Variants in AK5 observed in about 807,000 individuals in gnomAD.
The protein encoded by AK5 is adenylate kinase isoenzyme 5.
Under a neutral mutation model 69.5 loss-of-function variants are expected in AK5, and 27 were observed. That is an observed-to-expected ratio of 0.39 (90% CI 0.29 to 0.54). The LOEUF (loss-of-function observed/expected upper bound fraction) is 0.54, where lower values mean the gene tolerates loss of function less well. AK5 is among the 20% of genes least tolerant of loss of function. AK5 has a pLI of 0.71. For synonymous variants in AK5, 260 were observed against 244.4 expected (o/e 1.06, Z -0.60); for missense variants, 531 against 700.4 (o/e 0.76, Z 2.73).
chr1:77,371,734 G>A lies in AK5; in HGVS notation c.891+31166G>A, dbSNP rs185377287. On this transcript the variant is annotated intron_variant, in intron 6 of 13. Coordinates refer to ENST00000354567, the MANE Select transcript of AK5 (RefSeq NM_174858.3). ...AAGGACTTAAAAAGATAAGGAGCTTGGCATTTAATAAATGGAAGTCTCTAT... is the reference window on the plus strand; with the variant it reads ...AAGGACTTAAAAAGATAAGGAGCTTAGCATTTAATAAATGGAAGTCTCTAT... 6.6e-5 allele frequency among the ~76,000 whole-genome samples: 10 copies of A among 152,180 alleles called. No homozygotes were observed. The East Asian group carries it at 1.9e-3, about 29-fold the overall frequency.
chr1:77,491,175 A>C (rs1192616153), intron 10 of AK5, among the ~76,000 whole-genome samples: 2 of 152,008 alleles, frequency 1.3e-5, no homozygotes, highest in Non-Finnish European at 2.9e-5. Flanking sequence ...AGTCCTATCT[A>C]TTTTCCTAAG....
intron 6 of AK5, among the ~76,000 whole-genome samples, chr1:77,356,680 A>G (rs1366865971): frequency 6.6e-6 from 1 of 152,158 alleles, no homozygotes; most frequent in Admixed American, 6.5e-5. Context: ...CACTAACAAG[A>G]CACAGATATT....
At chr1:77,369,596 A>G (rs998985477) in intron 6 of AK5, among the ~76,000 whole-genome samples, 3 of 152,182 alleles carry the variant, frequency 2.0e-5, no homozygotes, top group Admixed American at 6.5e-5. Context: ...CATGAGAGTT[A>G]TATTAATTAT....
chr1:77,397,591 G>C (rs958932394), intron 6 of AK5, among the ~76,000 whole-genome samples: 2 of 152,130 alleles, frequency 1.3e-5, no homozygotes, highest in African/African-American at 4.8e-5. Flanking sequence ...TTAAATGTGT[G>C]TATTAACTAA....
At chr1:77,519,278 G>A (rs541527459) in intron 11 of AK5, among the ~76,000 whole-genome samples, 4 of 152,206 alleles carry the variant, frequency 2.6e-5, no homozygotes, top group South Asian at 2.1e-4. Context: ...TCTGTAATGA[G>A]GGCCGTATGA....
intron 10 of AK5, among the ~76,000 whole-genome samples, chr1:77,493,595 T>C (rs1272971200): frequency 2.0e-5 from 3 of 152,102 alleles, no homozygotes; most frequent in Admixed American, 6.5e-5. Flanking sequence ...CATCTGACTC[T>C]CCAGCCTTTG....
At chr1:77,517,828 G>A in intron 10 of AK5, among the ~76,000 whole-genome samples, 1 of 152,170 alleles carries the variant, frequency 6.6e-6, no homozygotes, top group Non-Finnish European at 1.5e-5. Flanking sequence ...GGCAACTAAA[G>A]GCAATGTATG....
At chr1:77,493,854 G>C (rs1354218787) in intron 10 of AK5, among the ~76,000 whole-genome samples, 1 of 152,172 alleles carries the variant, frequency 6.6e-6, no homozygotes, top group Non-Finnish European at 1.5e-5. Context: ...GGAGAAATGT[G>C]GGCATTTTGT....
intron 12 of AK5, among the ~76,000 whole-genome samples, chr1:77,523,651 A>G (rs1276228635): frequency 6.6e-6 from 1 of 152,100 alleles, no homozygotes; most frequent in Non-Finnish European, 1.5e-5. Flanking sequence ...TGCTAAACTG[A>G]AACTCTACCT....
At chr1:77,424,124 C>T (rs909671964) in intron 8 of AK5, among the ~76,000 whole-genome samples, 4 of 152,164 alleles carry the variant, frequency 2.6e-5, no homozygotes, top group African/African-American at 9.7e-5. Context: ...TACTGTGGTT[C>T]CTTTTATTCA....
intron 10 of AK5, among the ~76,000 whole-genome samples, chr1:77,515,525 C>G (rs1267640038): frequency 4.6e-5 from 7 of 152,176 alleles, no homozygotes; most frequent in African/African-American, 1.7e-4. Flanking sequence ...ATTTATGGTG[C>G]ACTTACGATG....
chr1:77,354,330 T>TG (rs557725527), intron 6 of AK5, among the ~76,000 whole-genome samples: 2 of 152,094 alleles, frequency 1.3e-5, no homozygotes, highest in Non-Finnish European at 2.9e-5. Flanking sequence ...TTCTAGCTAA[T>TG]GGGGGGGTAC....
rs1026745384 is a variant in AK5, at chr1:77,487,317, C to T, written c.1147+965C>T. On this transcript the variant is annotated intron_variant, in intron 10 of 13. Transcript: ENST00000354567. ...TATGAAGCTAATGAGTGTGTGAGGG[C>T]CAGATTTCCAGTTTTCCTCATGGAA... Among the ~76,000 whole-genome samples the T allele has an allele frequency of 2.6e-5, 4 of 152,006 alleles. No individual in the cohort carries two copies. The South Asian group carries it at 8.3e-4, about 32-fold the overall frequency.
chr1:77,291,123 G>A (rs1261606298), intron 2 of AK5, among the ~76,000 whole-genome samples: 1 of 152,156 alleles, frequency 6.6e-6, no homozygotes, highest in African/African-American at 2.4e-5. Flanking sequence ...AGACAAAGAG[G>A]CTGTAATTTG....
chr1:77,432,944 C>G (rs1032589411), intron 8 of AK5, among the ~76,000 whole-genome samples: 9 of 152,112 alleles, frequency 5.9e-5, no homozygotes, highest in Non-Finnish European at 1.3e-4. Context: ...TAGCATGAAG[C>G]CATCAACTTC....
At chr1:77,469,064 G>A (rs930324919) in intron 8 of AK5, among the ~76,000 whole-genome samples, 8 of 152,202 alleles carry the variant, frequency 5.3e-5, no homozygotes, top group African/African-American at 1.7e-4. Context: ...GCAGTTAACT[G>A]TTGCTGTGTC....
intron 5 of AK5, among the ~76,000 whole-genome samples, chr1:77,338,684 T>G (rs1661493525): frequency 6.6e-6 from 1 of 152,084 alleles, no homozygotes; most frequent in Non-Finnish European, 1.5e-5. Context: ...TTCAGGGATC[T>G]GAGGAGGAAC....
chr1:77,315,711 C>T (rs906889897), intron 5 of AK5, among the ~76,000 whole-genome samples: 1 of 152,146 alleles, frequency 6.6e-6, no homozygotes, highest in Admixed American at 6.5e-5. Flanking sequence ...GTGACTGATA[C>T]AGTGGGCGCC....
chr1:77,517,640 T>C (rs965687447), intron 10 of AK5, among the ~76,000 whole-genome samples: 1 of 152,200 alleles, frequency 6.6e-6, no homozygotes, highest in Non-Finnish European at 1.5e-5. Context: ...CATAAAATCC[T>C]ATGACATACT....
Sources: allele counts gnomAD v4.1 joint callset (sites outside exome capture counted in the v4.1 genomes callset), GRCh38; gene constraint gnomAD v4.1.1; transcripts MANE v1.5; gene names NCBI Gene and HGNC (gene_info 2026-07-23, HGNC 2026-07-21).